The following PCDH9 variants were observed in gnomAD, a reference collection of about 807,000 sequenced individuals.
PCDH9 encodes the protein protocadherin 9.
Under a neutral mutation model 70.6 loss-of-function variants are expected in PCDH9, and 24 were observed. The ratio of observed to expected loss-of-function variants is 0.34; its 90% CI spans 0.25 to 0.48. The LOEUF (loss-of-function observed/expected upper bound fraction) is 0.48. Ranked by LOEUF, PCDH9 falls within the 20% of genes least tolerant of loss-of-function variation. PCDH9 has a pLI of 0.99. For missense variants in PCDH9, 1,281 were observed against 1,503.6 expected, an observed-to-expected ratio of 0.85 and a Z score of 2.45; for synonymous variants, 562 against 558.5, an observed-to-expected ratio of 1.01 and a Z score of -0.09.
chr13:66,684,170 A>G (rs1002093905), intron 3 of PCDH9, among the ~76,000 whole-genome samples: 1 of 152,224 alleles, frequency 6.6e-6, no homozygotes, highest in Non-Finnish European at 1.5e-5. Context: ...AAGAAAATAA[A>G]TGACAGTTTA....
chr13:67,077,600 A>C (rs1401227964), intron 2 of PCDH9, among the ~76,000 whole-genome samples: 2 of 152,222 alleles, frequency 1.3e-5, no homozygotes, highest in African/African-American at 4.8e-5. Flanking sequence ...ACATAATAGA[A>C]TACGTATTTG....
intron 3 of PCDH9, among the ~76,000 whole-genome samples, chr13:66,634,749 C>G (rs996517162): frequency 1.2e-4 from 18 of 152,090 alleles, no homozygotes; most frequent in Admixed American, 8.5e-4. Context: ...TATGGTCTAT[C>G]AATATTTGGC....
intron 3 of PCDH9, among the ~76,000 whole-genome samples, chr13:66,774,661 T>A (rs915167073): frequency 3.3e-5 from 5 of 152,190 alleles, no homozygotes; most frequent in African/African-American, 1.2e-4. Flanking sequence ...AGTTTTCATA[T>A]CCATCCCTCA....
chr13:67,131,233 A>T (rs1053501887), intron 2 of PCDH9, among the ~76,000 whole-genome samples: 4 of 152,142 alleles, frequency 2.6e-5, no homozygotes, highest in Non-Finnish European at 5.9e-5. Flanking sequence ...GTCCCCAATG[A>T]GTTATTATTT....
intron 4 of PCDH9, among the ~76,000 whole-genome samples, chr13:66,479,825 A>C (rs1566357971): frequency 1.3e-5 from 2 of 152,210 alleles, no homozygotes; most frequent in Non-Finnish European, 2.9e-5. Context: ...CACTCTGTAA[A>C]ATGGACCAAT....
chr13:67,094,876 C>G (rs2086289688), intron 2 of PCDH9, among the ~76,000 whole-genome samples: 3 of 152,036 alleles, frequency 2.0e-5, no homozygotes, highest in Admixed American at 2.0e-4. Context: ...GTGGACTTAG[C>G]AGTTTTTCTT....
intron 2 of PCDH9, among the ~76,000 whole-genome samples, chr13:66,953,225 AT>A (rs1357945538): frequency 3.3e-5 from 5 of 152,218 alleles, no homozygotes; most frequent in Non-Finnish European, 7.4e-5. Context: ...GTAAAAAAAA[AT>A]CATTCATATG....
chr13:66,607,835 C>G lies in PCDH9; in HGVS notation c.3340+23375G>C, dbSNP rs557867125. On this transcript the variant is annotated intron_variant, in intron 4 of 4. Coordinates refer to ENST00000377865, the MANE Select transcript of PCDH9 (RefSeq NM_203487.3). ...AGGAAAGAAATGAATCATTCTGTGA[C>G]TGTTTCATAATTTATCTAATTATTA... Among the ~76,000 whole-genome samples the G allele has an allele frequency of 3.5e-3, 530 of 152,106 alleles. 7 individuals are homozygous for G. Among genetic ancestry groups the G allele is most frequent in the Middle Eastern group, 3.4e-3 (1 of 294 alleles).
At position 67,230,161 on chromosome 13, in the gene PCDH9, T is replaced by G. The variant is rs2089974138; in HGVS notation, c.-517A>C. ...TAACTTCTTGTAGGAAACGTCAGAGTTGCGGTGATGATGATTCTCTGACAG... is the reference window on the plus strand; with the variant it reads ...TAACTTCTTGTAGGAAACGTCAGAGGTGCGGTGATGATGATTCTCTGACAG... On this transcript the variant is annotated 5_prime_UTR_variant, in exon 1 of 5. Coordinates refer to ENST00000377865, the MANE Select transcript of PCDH9 (RefSeq NM_203487.3). 1 of 152,170 alleles carries G rather than the reference T, an allele frequency of 6.6e-6. No individual in the cohort carries two copies. The highest frequency in any genetic ancestry group is 2.1e-4 in the South Asian group (1 of 4,812). The allele number at this position is 152,170 out of a possible 1,614,324, so 9.4% of individuals were successfully genotyped here. A position where few individuals can be genotyped will look rare whatever the true frequency, so the allele number is the denominator to read the frequency against.
At chr13:66,998,773 C>T (rs1264807080) in intron 2 of PCDH9, among the ~76,000 whole-genome samples, 1 of 152,212 alleles carries the variant, frequency 6.6e-6, no homozygotes, top group African/African-American at 2.4e-5. Context: ...ATCTTCCACT[C>T]AGACTGTTGT....
At chr13:66,643,185 T>C (rs1268736716) in intron 3 of PCDH9, among the ~76,000 whole-genome samples, 1 of 152,054 alleles carries the variant, frequency 6.6e-6, no homozygotes, top group Non-Finnish European at 1.5e-5. Flanking sequence ...GATGACCTGA[T>C]AAGCTGGAGG....
chr13:66,345,019 G>A (rs940050523), intron 4 of PCDH9, among the ~76,000 whole-genome samples: 4 of 152,166 alleles, frequency 2.6e-5, no homozygotes, highest in Non-Finnish European at 4.4e-5. Flanking sequence ...ACATGCATGT[G>A]ACACTTTAGG....
intron 4 of PCDH9, among the ~76,000 whole-genome samples, chr13:66,558,016 G>A (rs1201214040): frequency 4.6e-5 from 7 of 152,134 alleles, no homozygotes; most frequent in South Asian, 2.1e-4. Context: ...ATTACCAGAC[G>A]TAGGGGTGTG....
chr13:67,040,498 A>G (rs2085090847), intron 2 of PCDH9, among the ~76,000 whole-genome samples: 1 of 152,160 alleles, frequency 6.6e-6, no homozygotes, highest in African/African-American at 2.4e-5. Context: ...CCATGTGAGC[A>G]TATGTACAAA....
At chr13:66,367,634 A>G (rs988540932) in intron 4 of PCDH9, among the ~76,000 whole-genome samples, 2 of 152,138 alleles carry the variant, frequency 1.3e-5, no homozygotes, top group African/African-American at 4.8e-5. Context: ...GTAGAAAGAA[A>G]TAAAATGGCA....
At chr13:66,847,148 C>A (rs2081225855) in intron 3 of PCDH9, among the ~76,000 whole-genome samples, 1 of 152,106 alleles carries the variant, frequency 6.6e-6, no homozygotes, top group Non-Finnish European at 1.5e-5. Flanking sequence ...TTAATGTTGT[C>A]ACCAAAAAGA....
chr13:67,003,027 G>T lies in PCDH9; in HGVS notation c.3037-99422C>A, dbSNP rs767309246. Among the ~76,000 whole-genome samples the T allele has an allele frequency of 3.3e-5, 5 of 151,792 alleles. No individual in the cohort carries two copies. In the East Asian group the frequency reaches 9.7e-4, roughly 30 times the overall value. ...GTTAAATGTAGAAGTCAAATTTAGAGATGATGTTAATGGAGCCACTAATCG... is the reference window on the plus strand; with the variant it reads ...GTTAAATGTAGAAGTCAAATTTAGATATGATGTTAATGGAGCCACTAATCG... On this transcript the variant is annotated intron_variant, in intron 2 of 4. Coordinates refer to ENST00000377865, the MANE Select transcript of PCDH9 (RefSeq NM_203487.3).
chr13:67,056,535 T>G (rs2085423652), intron 2 of PCDH9, among the ~76,000 whole-genome samples: 1 of 152,152 alleles, frequency 6.6e-6, no homozygotes, highest in Non-Finnish European at 1.5e-5. Flanking sequence ...TCCTTAGAGT[T>G]ACTTGCATTT....
chr13:66,757,261 AT>A (rs2079551659), intron 3 of PCDH9, among the ~76,000 whole-genome samples: 1 of 152,194 alleles, frequency 6.6e-6, no homozygotes, highest in Non-Finnish European at 1.5e-5. Flanking sequence ...CTTGGATTGA[AT>A]GACTTCATGA....
Sources: allele counts gnomAD v4.1 joint callset (sites outside exome capture counted in the v4.1 genomes callset), GRCh38; gene constraint gnomAD v4.1.1; transcripts MANE v1.5; gene names NCBI Gene and HGNC (gene_info 2026-07-23, HGNC 2026-07-21).